The following VWA3B variants were observed in gnomAD, a reference collection of about 807,000 sequenced individuals.
VWA3B encodes von Willebrand factor A domain-containing protein 3B.
VWA3B carries 138 observed loss-of-function variants against 158.3 expected under a neutral mutation model. That is an observed-to-expected ratio of 0.87 (90% CI 0.76 to 1.00). The LOEUF (loss-of-function observed/expected upper bound fraction) is 1.00, where lower values mean the gene tolerates loss of function less well. Ranked by LOEUF, VWA3B falls within the 50% of genes least tolerant of loss-of-function variation. VWA3B has a pLI of 0.00. For missense variants in VWA3B, 1,555 were observed against 1,565.1 expected, an observed-to-expected ratio of 0.99 and a Z score of 0.11; for synonymous variants, 596 against 587.3, an observed-to-expected ratio of 1.01 and a Z score of -0.21.
chr2:98,237,560 G>C (rs1218127945), intron 19 of VWA3B, among the ~76,000 whole-genome samples: 1 of 152,172 alleles, frequency 6.6e-6, no homozygotes, highest in Non-Finnish European at 1.5e-5. Flanking sequence ...GGAAGGCCAA[G>C]GAAGTACTGA....
chr2:98,272,211 C>T (rs541647297), intron 22 of VWA3B, among the ~76,000 whole-genome samples: 12 of 152,358 alleles, frequency 7.9e-5, no homozygotes, highest in African/African-American at 1.9e-4. Flanking sequence ...CTGACTGACC[C>T]GCTTCAAGTT....
rs762436581 is a variant in VWA3B at position 98,119,651 on chromosome 2, A to T, written c.430A>T (p.Ile144Leu). The T allele has an allele frequency of 2.5e-6, 4 of 1,614,046 alleles. No individual in the cohort carries two copies. The Admixed American group carries it at 6.7e-5, about 27-fold the overall frequency. ...TGTCATCTTGGAACAGTGCGTCACC[A>T]TAGTGCTGGATTTTGGCGGCATTCT... ...FGVILEQCVTIVLDFGGILEG... is the reference protein window; with the variant it reads ...FGVILEQCVTLVLDFGGILEG... Residue 144 changes from isoleucine (I) to leucine (L), a missense_variant, in exon 4 of 28, where the codon ATA becomes TTA. Coordinates refer to ENST00000477737, the MANE Select transcript of VWA3B (RefSeq NM_144992.5).
chr2:98,252,148 G>C (rs891586249), intron 20 of VWA3B, among the ~76,000 whole-genome samples: 1 of 152,000 alleles, frequency 6.6e-6, no homozygotes, highest in Non-Finnish European at 1.5e-5. Flanking sequence ...CCCACCCTTC[G>C]TGTGGCCCTC....
intron 21 of VWA3B, among the ~76,000 whole-genome samples, chr2:98,259,141 T>C (rs760676714): frequency 2.0e-4 from 31 of 151,810 alleles, no homozygotes; most frequent in Non-Finnish European, 4.1e-4. Flanking sequence ...GTATAATCCT[T>C]TTAATGTCCT....
chr2:98,101,780 A>C (rs1683088639), intron 2 of VWA3B, among the ~76,000 whole-genome samples: 1 of 151,474 alleles, frequency 6.6e-6, no homozygotes, highest in African/African-American at 2.4e-5. Flanking sequence ...GGGCCTGTGG[A>C]ATTCCCATAT....
At chr2:98,188,837 A>G (rs1236540859) in intron 10 of VWA3B, among the ~76,000 whole-genome samples, 1 of 152,234 alleles carries the variant, frequency 6.6e-6, no homozygotes, top group East Asian at 1.9e-4. Flanking sequence ...TTCAGATCCC[A>G]GCTGCCTTGA....
At chr2:98,233,865 GACT>G (rs1222427854) in intron 16 of VWA3B, among the ~76,000 whole-genome samples, 1 of 152,208 alleles carries the variant, frequency 6.6e-6, no homozygotes, top group Non-Finnish European at 1.5e-5. Context: ...ATGAAGTACA[GACT>G]ACATTACAAT....
At chr2:98,111,408 C>A (rs2104912271) in intron 2 of VWA3B, among the ~76,000 whole-genome samples, 1 of 152,196 alleles carries the variant, frequency 6.6e-6, no homozygotes, top group Non-Finnish European at 1.5e-5. Flanking sequence ...ATTTCTTTTC[C>A]ATTGGGTAGA....
intron 7 of VWA3B, among the ~76,000 whole-genome samples, chr2:98,140,675 G>C (rs191324729): frequency 6.6e-6 from 1 of 152,188 alleles, no homozygotes; most frequent in Non-Finnish European, 1.5e-5. Context: ...TGGGACCAGA[G>C]CGATGCTCCC....
chr2:98,321,458 A>G, the VWA3B span, among the ~76,000 whole-genome samples: 6 of 152,308 alleles, frequency 3.9e-5, no homozygotes, highest in Admixed American at 6.5e-5. Context: ...ACCAGCCATA[A>G]AAGCAACCAG....
chr2:98,139,057 G>A (rs1676512891), intron 7 of VWA3B, among the ~76,000 whole-genome samples: 1 of 152,214 alleles, frequency 6.6e-6, no homozygotes, highest in African/African-American at 2.4e-5. Flanking sequence ...GCCAGCTGGA[G>A]TTCCGGGTGG....
intron 13 of VWA3B, 195 bp downstream of exon 13, chr2:98,212,223 A>T: frequency 1.9e-6 from 1 of 512,862 alleles, no homozygotes; most frequent in Non-Finnish European, 3.5e-6. Flanking sequence ...AGGAGAATTT[A>T]TGAGACAGTG....
At chr2:98,216,982 A>ACCTCC (rs1553417707) in intron 13 of VWA3B, 3 of 1,237,162 alleles carry the variant, frequency 2.4e-6, no homozygotes, top group African/African-American at 3.3e-5. Flanking sequence ...CATTGTAAGC[A>ACCTCC]CCCGCCCCGC....
At chr2:98,090,924 TA>T (rs1415624048) in intron 1 of VWA3B, among the ~76,000 whole-genome samples, 86 of 143,920 alleles carry the variant, frequency 6.0e-4, no homozygotes, top group East Asian at 8.0e-4. Flanking sequence ...CCTGGCTAAT[TA>T]AAAAAAAAAA....
chr2:98,239,489 T>A (rs2105750693), intron 19 of VWA3B, among the ~76,000 whole-genome samples: 1 of 152,100 alleles, frequency 6.6e-6, no homozygotes, highest in Non-Finnish European at 1.5e-5. Context: ...TTTACCAAAA[T>A]GTTAACAGTT....
the VWA3B span, among the ~76,000 whole-genome samples, chr2:98,323,975 A>C: frequency 2.6e-5 from 4 of 152,194 alleles, no homozygotes; most frequent in Non-Finnish European, 5.9e-5. Context: ...GGCTAAGAAA[A>C]GACATGGTAA....
chr2:98,163,117 G>C (rs2105246862), intron 8 of VWA3B, 141 bp downstream of exon 8: 5 of 1,363,070 alleles, frequency 3.7e-6, no homozygotes, highest in Middle Eastern at 2.1e-4. Flanking sequence ...CCAGAGCTGT[G>C]TGGGGTGAGG....
chr2:98,275,143 G>T (rs1465176346), intron 22 of VWA3B, among the ~76,000 whole-genome samples: 1 of 152,226 alleles, frequency 6.6e-6, no homozygotes, highest in East Asian at 1.9e-4. Flanking sequence ...TTGGTTTGTG[G>T]TGCTGTAGGT....
At chr2:98,235,971 T>G (rs1685651304) in intron 17 of VWA3B, among the ~76,000 whole-genome samples, 1 of 152,064 alleles carries the variant, frequency 6.6e-6, no homozygotes, top group South Asian at 2.1e-4. Flanking sequence ...ACCTAACAGG[T>G]TTTTTGGTTT....
Sources: allele counts gnomAD v4.1 joint callset (sites outside exome capture counted in the v4.1 genomes callset), GRCh38; gene constraint gnomAD v4.1.1; transcripts MANE v1.5; gene names NCBI Gene and HGNC (gene_info 2026-07-23, HGNC 2026-07-21).